Variants in ZNF804B observed in about 807,000 individuals in gnomAD.
ZNF804B encodes the protein zinc finger 804B.
Under a neutral mutation model 101.4 loss-of-function variants are expected in ZNF804B, and 80 were observed. The ratio of observed to expected loss-of-function variants is 0.79; its 90% CI spans 0.66 to 0.95. ZNF804B has a LOEUF of 0.95. ZNF804B is among the 40% of genes least tolerant of loss of function. The pLI is 0.00. For synonymous variants in ZNF804B, 622 were observed against 558.8 expected (o/e 1.11, Z -1.59); for missense variants, 1,673 against 1,561.9 (o/e 1.07, Z -1.20).
At chr7:89,193,480 A>T (rs1470957774) in intron 1 of ZNF804B, among the ~76,000 whole-genome samples, 3 of 100,564 alleles carry the variant, frequency 3.0e-5, no homozygotes, top group African/African-American at 1.2e-4. Context: ...ACCCCACAAC[A>T]GTCCCCAGAG....
chr7:88,919,501 A>G (rs1030773685), intron 1 of ZNF804B, among the ~76,000 whole-genome samples: 4 of 152,144 alleles, frequency 2.6e-5, no homozygotes, highest in Non-Finnish European at 5.9e-5. Context: ...TCTCTTCTAG[A>G]GGAAGCACTC....
At chr7:89,154,463 T>C (rs1435886372) in intron 1 of ZNF804B, among the ~76,000 whole-genome samples, 1 of 152,038 alleles carries the variant, frequency 6.6e-6, no homozygotes, top group African/African-American at 2.4e-5. Flanking sequence ...AAGCAACCTG[T>C]CTCCATAAAC....
chr7:89,331,051 A>G (rs1790969478), intron 3 of ZNF804B, among the ~76,000 whole-genome samples: 1 of 151,438 alleles, frequency 6.6e-6, no homozygotes, highest in Admixed American at 6.6e-5. Context: ...ACTGCATAAT[A>G]ATGGAATTGG....
chr7:89,218,279 A>G lies in ZNF804B; in HGVS notation c.233A>G (p.Asp78Gly). The G allele has an allele frequency of 1.9e-6, 3 of 1,613,676 alleles. No individual in the cohort carries two copies. Among genetic ancestry groups the G allele is most frequent in the Non-Finnish European group, 1.7e-6 (2 of 1,179,758 alleles). Reference sequence around the variant, plus strand: ...TTTGACAATCATATTAATTCTTATGACCATGCTCATAAGCAGGTAAGGCAA... The same window carrying G: ...TTTGACAATCATATTAATTCTTATGGCCATGCTCATAAGCAGGTAAGGCAA... Reference protein sequence around the residue: ...QEFDNHINSYDHAHKQRLKEL... With the variant: ...QEFDNHINSYGHAHKQRLKEL... The change falls in exon 2 of 4, where the codon GAC becomes GGC. Residue 78 changes from aspartate (D) to glycine (G), a missense_variant. Coordinates refer to ENST00000333190, the MANE Select transcript of ZNF804B (RefSeq NM_181646.5).
chr7:89,007,097 T>C (rs78978851), intron 1 of ZNF804B, among the ~76,000 whole-genome samples: 1 of 152,212 alleles, frequency 6.6e-6, no homozygotes, highest in African/African-American at 2.4e-5. Flanking sequence ...TTTCCTTTAA[T>C]TCATTCTCAG....
At chr7:88,889,594 T>G (rs969810149) in intron 1 of ZNF804B, among the ~76,000 whole-genome samples, 4 of 152,242 alleles carry the variant, frequency 2.6e-5, no homozygotes, top group Non-Finnish European at 5.9e-5. Flanking sequence ...TGTCTTCTTT[T>G]GAGAAGTGTC....
At position 89,276,772 on chromosome 7, in the gene ZNF804B, T is replaced by C. The variant is rs1008240352; in HGVS notation, c.250-50572T>C. 2.0e-5 allele frequency among the ~76,000 whole-genome samples: 3 copies of C among 151,910 alleles called. 1 individual carries two copies. Among genetic ancestry groups the C allele is most frequent in the African/African-American group, 7.3e-5 (3 of 41,210 alleles). On this transcript the variant is annotated intron_variant, in intron 2 of 3. Transcript: ENST00000333190. ...AAATTAATTTCCTAGCATTAAAATG[T>C]TTGTCAACTATATCATTTTAAACTT...
chr7:89,333,630 A>G lies in ZNF804B; in HGVS notation c.648A>G (p.Arg216=). The change falls in exon 4 of 4, where the codon AGA becomes AGG. Residue 216 remains arginine, a synonymous_variant. Coordinates refer to ENST00000333190, the MANE Select transcript of ZNF804B (RefSeq NM_181646.5). ...TSSDLSNANH[R]TGVSFTFSKK... The stretch of plus-strand genomic sequence containing the variant: ...CAGATCTCAGCAATGCAAATCACAG[A>G]ACAGGAGTATCATTTACTTTTTCCA... 1 of 1,613,646 alleles carries G rather than the reference A, an allele frequency of 6.2e-7. No homozygotes were observed. Among genetic ancestry groups the G allele is most frequent in the Non-Finnish European group, 8.5e-7 (1 of 1,179,744 alleles).
chr7:89,263,075 A>G (rs928779475), intron 2 of ZNF804B, among the ~76,000 whole-genome samples: 4 of 152,194 alleles, frequency 2.6e-5, no homozygotes, highest in Non-Finnish European at 4.4e-5. Context: ...AGAAAGTGGC[A>G]TCCCTTGGCA....
chr7:88,857,817 C>CTTTTTT (rs1791590406), intron 1 of ZNF804B, among the ~76,000 whole-genome samples: 1 of 74,294 alleles, frequency 1.3e-5, no homozygotes, highest in African/African-American at 6.0e-5. Context: ...CCTTTCCTTT[C>CTTTTTT]TTTTCTTTTT....
intron 1 of ZNF804B, among the ~76,000 whole-genome samples, chr7:89,216,022 G>T (rs191891874): frequency 6.6e-6 from 1 of 152,004 alleles, no homozygotes; most frequent in Admixed American, 6.5e-5. Context: ...AATAAATACC[G>T]GCTGGGCGTA....
intron 2 of ZNF804B, among the ~76,000 whole-genome samples, chr7:89,281,121 G>A (rs1417477777): frequency 6.6e-6 from 1 of 152,110 alleles, no homozygotes; most frequent in East Asian, 1.9e-4. Flanking sequence ...TTATATTGTG[G>A]AATGCATTAC....
chr7:89,261,232 A>G (rs1375959804), intron 2 of ZNF804B, among the ~76,000 whole-genome samples: 1 of 152,116 alleles, frequency 6.6e-6, no homozygotes, highest in African/African-American at 2.4e-5. Context: ...TGAATAATCC[A>G]TTTGTATGTA....
chr7:89,286,155 G>C (rs893977990), intron 2 of ZNF804B, among the ~76,000 whole-genome samples: 1 of 152,130 alleles, frequency 6.6e-6, no homozygotes, highest in Non-Finnish European at 1.5e-5. Context: ...GAGGTGGTCT[G>C]CTTGTCCTCA....
intron 1 of ZNF804B, among the ~76,000 whole-genome samples, chr7:88,941,999 T>C (rs1245564978): frequency 6.6e-6 from 1 of 151,932 alleles, no homozygotes; most frequent in Non-Finnish European, 1.5e-5. Context: ...CTAAGGTTTT[T>C]AGTTGTGCCT....
chr7:89,316,122 G>A (rs1353262969), intron 2 of ZNF804B, among the ~76,000 whole-genome samples: 2 of 152,094 alleles, frequency 1.3e-5, no homozygotes, highest in East Asian at 3.8e-4. Context: ...CCATTAAGAT[G>A]TTCTTAATCA....
chr7:88,946,687 C>T (rs961986726), intron 1 of ZNF804B, among the ~76,000 whole-genome samples: 1 of 151,460 alleles, frequency 6.6e-6, no homozygotes, highest in Non-Finnish European at 1.5e-5. Context: ...GTACCATTTC[C>T]TCTTTGTATC....
intron 1 of ZNF804B, among the ~76,000 whole-genome samples, chr7:89,062,718 A>G (rs1343113471): frequency 6.6e-6 from 1 of 152,042 alleles, no homozygotes; most frequent in Non-Finnish European, 1.5e-5. Flanking sequence ...ATTATTTCCT[A>G]TTGAGTGGAC....
At chr7:88,816,142 ACTC>A (rs1359295914) in intron 1 of ZNF804B, among the ~76,000 whole-genome samples, 1 of 149,926 alleles carries the variant, frequency 6.7e-6, no homozygotes, top group Non-Finnish European at 1.5e-5. Flanking sequence ...CCCTGCTCAG[ACTC>A]CGTTACCCCA....
Sources: gnomAD v4.1 joint callset for allele counts (sites outside exome capture counted in the v4.1 genomes callset) on GRCh38, gnomAD v4.1.1 for gene constraint, MANE v1.5 for transcripts, NCBI Gene and HGNC (gene_info 2026-07-23, HGNC 2026-07-21) for gene names.